The following SORCS1 variants were observed in gnomAD, a reference collection of about 807,000 sequenced individuals.
SORCS1 encodes VPS10 domain-containing receptor SorCS1.
SORCS1 carries 60 observed loss-of-function variants against 146.1 expected under a neutral mutation model. The ratio of observed to expected loss-of-function variants is 0.41; its 90% CI spans 0.33 to 0.51. The LOEUF (loss-of-function observed/expected upper bound fraction) is 0.51. Among genes scored for constraint, SORCS1 ranks in the 20% least tolerant of loss-of-function variants. The pLI is 0.21. For missense variants in SORCS1, 1,352 were observed against 1,487.6 expected, an observed-to-expected ratio of 0.91 and a Z score of 1.50; for synonymous variants, 637 against 584.0, an observed-to-expected ratio of 1.09 and a Z score of -1.31.
chr10:106,834,270 A>C (rs1468608856), intron 2 of SORCS1, among the ~76,000 whole-genome samples: 2 of 152,352 alleles, frequency 1.3e-5, no homozygotes, highest in East Asian at 3.9e-4. Context: ...GTGAGCCGAT[A>C]TGCTGGTTAA....
chr10:106,717,580 C>T (rs893774424), intron 6 of SORCS1, among the ~76,000 whole-genome samples: 5 of 152,134 alleles, frequency 3.3e-5, no homozygotes, highest in African/African-American at 1.2e-4. Flanking sequence ...TGTTGGCCTT[C>T]AGGCATTCAG....
intron 1 of SORCS1, among the ~76,000 whole-genome samples, chr10:107,075,779 T>C (rs1590077514): frequency 6.6e-6 from 1 of 152,106 alleles, no homozygotes; most frequent in South Asian, 2.1e-4. Flanking sequence ...CTTGTTTCCA[T>C]ACAAATTACA....
At chr10:106,805,824 C>CGA (rs1231333158) in intron 3 of SORCS1, among the ~76,000 whole-genome samples, 1 of 151,500 alleles carries the variant, frequency 6.6e-6, no homozygotes, top group Non-Finnish European at 1.5e-5. Context: ...TCTGGGAGGC[C>CGA]GAGACAGGTG....
chr10:106,624,659 C>T (rs925936812), intron 19 of SORCS1, among the ~76,000 whole-genome samples: 1 of 152,106 alleles, frequency 6.6e-6, no homozygotes, highest in East Asian at 1.9e-4. Context: ...CCATGCCGGG[C>T]CAATGATGAA....
Position 107,069,734 on chromosome 10 carries a change from A to AAGT in SORCS1, c.558+94232_558+94234dup, listed in dbSNP as rs1962257290. On this transcript the variant is annotated intron_variant, in intron 1 of 25. Coordinates refer to ENST00000263054, the MANE Select transcript of SORCS1 (RefSeq NM_052918.5). Reference sequence around the variant, plus strand: ...AGATAAATTCGTTTTTGTTTGAAAGAAGTAGTACAGAATCCAAACAATGTC... The same window carrying AAGT: ...AGATAAATTCGTTTTTGTTTGAAAGAAGTAGTAGTACAGAATCCAAACAATGTC... 2.0e-5 allele frequency among the ~76,000 whole-genome samples: 3 copies of AAGT among 152,234 alleles called. No individual in the cohort carries two copies. The South Asian group carries it at 6.2e-4, about 31-fold the overall frequency.
intron 6 of SORCS1, among the ~76,000 whole-genome samples, chr10:106,718,664 T>G (rs974996499): frequency 1.3e-5 from 2 of 152,212 alleles, no homozygotes; most frequent in Non-Finnish European, 2.9e-5. Context: ...TGGCCAGCTT[T>G]TATTCCCTTA....
upstream of SORCS1, among the ~76,000 whole-genome samples, chr10:107,168,206 A>G (rs1300722135): frequency 1.3e-5 from 2 of 152,042 alleles, no homozygotes; most frequent in Non-Finnish European, 2.9e-5. Context: ...CCTGCCTAGA[A>G]CGTCCACCGT....
At chr10:107,105,728 T>C (rs1037199595) in intron 1 of SORCS1, among the ~76,000 whole-genome samples, 1 of 149,762 alleles carries the variant, frequency 6.7e-6, no homozygotes, top group Non-Finnish European at 1.5e-5. Flanking sequence ...CCCACCCAGA[T>C]TGAGGGTGGG....
intron 18 of SORCS1, among the ~76,000 whole-genome samples, chr10:106,632,735 C>CA (rs1464506502): frequency 1.3e-5 from 2 of 151,672 alleles, no homozygotes; most frequent in African/African-American, 2.4e-5. Context: ...ACTAATCATG[C>CA]AAAAAAAATT....
chr10:106,913,568 G>A (rs1952267950), intron 2 of SORCS1, among the ~76,000 whole-genome samples: 1 of 152,172 alleles, frequency 6.6e-6, no homozygotes, highest in Admixed American at 6.5e-5. Flanking sequence ...GGAGACAAGG[G>A]TTTCGTAGCT....
rs539778736 is a variant in SORCS1 at position 106,730,810 on chromosome 10, C to T, written c.960-696G>A. Reference sequence around the variant, plus strand: ...GGAACATAAATAATATGGGCAATCACGCTTTATCTCTAGGATTTTTATACA... The same window carrying T: ...GGAACATAAATAATATGGGCAATCATGCTTTATCTCTAGGATTTTTATACA... On this transcript the variant is annotated intron_variant, in intron 5 of 25. Transcript: ENST00000263054. Among the ~76,000 whole-genome samples, 25 of 152,202 alleles carry T rather than the reference C, an allele frequency of 1.6e-4. 1 individual carries two copies. Among genetic ancestry groups the T allele is most frequent in the African/African-American group, 3.4e-4 (14 of 41,514 alleles).
At chr10:106,859,123 G>A (rs1949908625) in intron 2 of SORCS1, among the ~76,000 whole-genome samples, 1 of 152,176 alleles carries the variant, frequency 6.6e-6, no homozygotes, top group Non-Finnish European at 1.5e-5. Flanking sequence ...AGGGCATAGG[G>A]CACGTATTCC....
chr10:107,093,678 C>CAAA (rs35208711), intron 1 of SORCS1, among the ~76,000 whole-genome samples: 25 of 132,354 alleles, frequency 1.9e-4, no homozygotes, highest in African/African-American at 3.3e-4. Flanking sequence ...GACTCAGTCT[C>CAAA]AAAAAAAAAA....
intron 1 of SORCS1, among the ~76,000 whole-genome samples, chr10:106,980,722 T>C (rs1024333223): frequency 1.3e-5 from 2 of 152,192 alleles, no homozygotes; most frequent in African/African-American, 2.4e-5. Context: ...TACAAGAAAA[T>C]ATGCTGGTGG....
chr10:107,004,974 G>A (rs904663691), intron 1 of SORCS1, among the ~76,000 whole-genome samples: 1 of 152,052 alleles, frequency 6.6e-6, no homozygotes, highest in Non-Finnish European at 1.5e-5. Flanking sequence ...ACTTTCTCCA[G>A]TTGCCTGCCA....
intron 1 of SORCS1, among the ~76,000 whole-genome samples, chr10:106,963,273 G>A (rs1219599991): frequency 4.0e-5 from 6 of 151,622 alleles, no homozygotes; most frequent in Non-Finnish European, 7.4e-5. Flanking sequence ...CCACCACCAC[G>A]CCCGGCTAAC....
At chr10:106,962,013 A>G (rs995426902) in intron 1 of SORCS1, among the ~76,000 whole-genome samples, 4 of 152,168 alleles carry the variant, frequency 2.6e-5, no homozygotes, top group African/African-American at 9.7e-5. Context: ...TGTGGGGTTC[A>G]CCTGCTTTGC....
chr10:106,727,506 A>C (rs943711429), intron 6 of SORCS1, among the ~76,000 whole-genome samples: 3 of 152,196 alleles, frequency 2.0e-5, no homozygotes, highest in African/African-American at 7.2e-5. Flanking sequence ...GATGTGTGCT[A>C]CCATTCCTGG....
At chr10:107,017,702 C>T (rs1957957888) in intron 1 of SORCS1, among the ~76,000 whole-genome samples, 1 of 152,222 alleles carries the variant, frequency 6.6e-6, no homozygotes, top group East Asian at 1.9e-4. Flanking sequence ...GTCACCCAGG[C>T]TGGAGTGCAT....
Sources: allele counts gnomAD v4.1 joint callset (sites outside exome capture counted in the v4.1 genomes callset), GRCh38; gene constraint gnomAD v4.1.1; transcripts MANE v1.5; gene names NCBI Gene and HGNC (gene_info 2026-07-23, HGNC 2026-07-21).